The following BLTP3B variants were observed in gnomAD, a reference collection of about 807,000 sequenced individuals.
BLTP3B encodes UHRF1 (ICBP90) binding protein 1-like.
At chr12:100,142,540 G>A in the BLTP3B span, 3 of 1,587,524 alleles carry the variant, frequency 1.9e-6, no homozygotes, top group Non-Finnish European at 2.6e-6. Flanking sequence ...GCTGACTCCA[G>A]TGCGGGCTGG....
chr12:100,128,637 T>C, the BLTP3B span: 1 of 1,286,638 alleles, frequency 7.8e-7, no homozygotes, highest in Non-Finnish European at 1.0e-6. Flanking sequence ...AGCAGTCAGT[T>C]GCCAGGGTTT....
the BLTP3B span, among the ~76,000 whole-genome samples, chr12:100,132,819 A>G: frequency 6.6e-6 from 1 of 152,108 alleles, no homozygotes; most frequent in Non-Finnish European, 1.5e-5. Flanking sequence ...GTGGTGGCAC[A>G]TGACTGTAAT....
At chr12:100,073,123 T>C in the BLTP3B span, among the ~76,000 whole-genome samples, 1 of 152,128 alleles carries the variant, frequency 6.6e-6, no homozygotes, top group Non-Finnish European at 1.5e-5. Context: ...TATCAGATAA[T>C]ATAGATAAGT....
At chr12:100,135,281 C>CTTTTTTTTTTTTTTTTTTT in the BLTP3B span, among the ~76,000 whole-genome samples, 9 of 141,226 alleles carry the variant, frequency 6.4e-5, no homozygotes, top group Non-Finnish European at 6.1e-5. Context: ...TTCTTTCTTT[C>CTTTTTTTTTTTTTTTTTTT]TTTTTTTTTT....
the BLTP3B span, chr12:100,051,390 G>C: frequency 1.9e-6 from 1 of 534,760 alleles, no homozygotes; most frequent in Non-Finnish European, 3.1e-6. Flanking sequence ...AGCAAACAAT[G>C]AATGTGCTAT....
the BLTP3B span, among the ~76,000 whole-genome samples, chr12:100,054,788 T>G: frequency 0.5 from 76,477 of 151,918 alleles, 21,326 homozygotes; most frequent in African/African-American, 0.73. Flanking sequence ...CTTAACGGCT[T>G]GTTAAAAACT....
chr12:100,115,216 T>C, the BLTP3B span, among the ~76,000 whole-genome samples: 2 of 152,068 alleles, frequency 1.3e-5, no homozygotes, highest in Non-Finnish European at 2.9e-5. Context: ...GACCAGCCTG[T>C]CCAACACGCG....
chr12:100,072,524 C>A, the BLTP3B span: 1 of 709,702 alleles, frequency 1.4e-6, no homozygotes, highest in Non-Finnish European at 2.1e-6. Context: ...CTGGGCAACA[C>A]AGTGAGATGC....
chr12:100,040,871 C>T, the BLTP3B span, among the ~76,000 whole-genome samples: 3 of 152,154 alleles, frequency 2.0e-5, no homozygotes, highest in Non-Finnish European at 2.9e-5. Flanking sequence ...GGTGGCTTCA[C>T]TGGAGAATTT....
At chr12:100,041,060 A>G in the BLTP3B span, among the ~76,000 whole-genome samples, 1 of 152,258 alleles carries the variant, frequency 6.6e-6, no homozygotes, top group Non-Finnish European at 1.5e-5. Flanking sequence ...CATAATCATC[A>G]ACAAAATGTT....
At chr12:100,118,946 A>G in the BLTP3B span, among the ~76,000 whole-genome samples, 2 of 152,088 alleles carry the variant, frequency 1.3e-5, no homozygotes, top group Admixed American at 6.5e-5. Context: ...TACTAAAAAT[A>G]CAAAAATTAG....
chr12:100,109,735 C>G, the BLTP3B span, among the ~76,000 whole-genome samples: 1 of 149,978 alleles, frequency 6.7e-6, no homozygotes, highest in African/African-American at 2.5e-5. Flanking sequence ...CACTGCACTC[C>G]AGCCTGGGTG....
the BLTP3B span, chr12:100,059,456 C>T: frequency 6.2e-7 from 1 of 1,613,302 alleles, no homozygotes. Context: ...TTGTGGCAAT[C>T]ATTTCAGAAC....
the BLTP3B span, among the ~76,000 whole-genome samples, chr12:100,104,204 CTT>C: frequency 2.3e-5 from 3 of 131,632 alleles, no homozygotes; most frequent in African/African-American, 2.8e-5. Flanking sequence ...TTCTTTTTTT[CTT>C]TTTTTTTTTT....
At chr12:100,140,729 A>AAAAAAAAATATAT in the BLTP3B span, among the ~76,000 whole-genome samples, 5 of 61,488 alleles carry the variant, frequency 8.1e-5, no homozygotes, top group Non-Finnish European at 1.1e-4. Context: ...AAAAAAAAAA[A>AAAAAAAAATATAT]ATATATATAT....
the BLTP3B span, chr12:100,088,883 C>A: frequency 6.8e-7 from 1 of 1,468,976 alleles, no homozygotes; most frequent in Non-Finnish European, 9.0e-7. Flanking sequence ...CTAGAAAAAC[C>A]AAAATAGTTT....
chr12:100,087,567 C>G, the BLTP3B span, among the ~76,000 whole-genome samples: 3 of 152,206 alleles, frequency 2.0e-5, no homozygotes, highest in East Asian at 5.8e-4. Flanking sequence ...ATAAAAATAG[C>G]AATTCTGCAG....
the BLTP3B span, among the ~76,000 whole-genome samples, chr12:100,137,129 A>G: frequency 6.6e-6 from 1 of 152,190 alleles, no homozygotes; most frequent in East Asian, 1.9e-4. Context: ...CTTTTCCTAA[A>G]CCAGATCTAC....
chr12:100,060,127 G>C, the BLTP3B span: 2 of 1,078,770 alleles, frequency 1.9e-6, no homozygotes, highest in Non-Finnish European at 2.5e-6. Context: ...TGTTTAGTCA[G>C]TTTTATTCTT....
Sources: gnomAD v4.1 joint callset for allele counts (sites outside exome capture counted in the v4.1 genomes callset) on GRCh38, gnomAD v4.1.1 for gene constraint, MANE v1.5 for transcripts, NCBI Gene and HGNC (gene_info 2026-07-23, HGNC 2026-07-21) for gene names.